The following HAP1 variants were observed in gnomAD, a reference collection of about 807,000 sequenced individuals.
HAP1 encodes huntingtin associated protein 1.
Under a neutral mutation model 60.3 loss-of-function variants are expected in HAP1, and 59 were observed. That is an observed-to-expected ratio of 0.98 (90% CI 0.79 to 1.22). The LOEUF (loss-of-function observed/expected upper bound fraction) is 1.22, where lower values mean the gene tolerates loss of function less well. Ranked by LOEUF, HAP1 falls within the 50% of genes most tolerant of loss-of-function variation. HAP1 has a pLI of 0.00. For synonymous variants in HAP1, 346 were observed against 330.6 expected, an observed-to-expected ratio of 1.05 and a Z score of -0.50; for missense variants, 825 against 785.3, an observed-to-expected ratio of 1.05 and a Z score of -0.60.
Position 41,725,116 on chromosome 17 carries a change from C to T in HAP1, c.1445G>A (p.Arg482Gln), listed in dbSNP as rs147490135. 4.0e-5 allele frequency: 64 copies of T among 1,606,244 alleles called. No homozygotes were observed. The East Asian group carries it at 4.2e-4, about 11-fold the overall frequency. Residue 482 changes from arginine (R) to glutamine (Q), a missense_variant, in exon 11 of 11, where the codon CGG (arginine) becomes CAG (glutamine). Physicochemically the swap from Arg to Gln is conservative, Grantham distance 43. Transcript: ENST00000347901. ...FRYSEDREQV[R>Q]GFEAEEGLML... ...CAACCCTTCCTCAGCCTCAAACCCC[C>T]GCACCTGCTCTCGATCCTCACTGTA...
chr17:41,728,450 T>C (rs1911864885), intron 6 of HAP1, 119 bp from the exon 7 acceptor site: 2 of 787,576 alleles, frequency 2.5e-6, no homozygotes, highest in Non-Finnish European at 4.0e-6. Flanking sequence ...CAGTGGGTCC[T>C]GCAGGGCTTT....
downstream of HAP1, chr17:41,717,955 C>T (rs567584263): frequency 9.2e-5 from 43 of 468,364 alleles, no homozygotes; most frequent in South Asian, 6.7e-4. Flanking sequence ...TTACCTTGAG[C>T]TACCCGCCAC....
At position 41,732,398 on chromosome 17, in the gene HAP1, G is replaced by A. The variant is rs782745485; in HGVS notation, c.550-4C>T. The A allele has an allele frequency of 6.2e-7, 1 of 1,613,768 alleles. No homozygotes were observed. The highest frequency in any genetic ancestry group is 2.2e-5 in the East Asian group (1 of 44,874). The stretch of plus-strand genomic sequence containing the variant: ...TCTCCCAGACAGGTGGGAGAAGCTG[G>A]GGGGGACACAGGGGTCAGAGAGAGG... On this transcript the variant is annotated splice_region_variant and splice_polypyrimidine_tract_variant and intron_variant, in intron 2 of 10. Transcript: ENST00000347901.
chr17:41,720,467 T>C (rs182523972), downstream of HAP1, among the ~76,000 whole-genome samples: 1 of 152,268 alleles, frequency 6.6e-6, no homozygotes, highest in African/African-American at 2.4e-5. Context: ...AGTGTTAGGA[T>C]TACAGGCATG....
At chr17:41,733,038 G>GTTTTTTTTTTTTTTTTGTT (rs10679002) in intron 1 of HAP1, among the ~76,000 whole-genome samples, 1 of 107,230 alleles carries the variant, frequency 9.3e-6, no homozygotes, top group Non-Finnish European at 1.8e-5. Flanking sequence ...GTTTTTTTTG[G>GTTTTTTTTTTTTTTTTGTT]TTTTTTTTTT....
chr17:41,734,397 C>A lies in HAP1; in HGVS notation c.238G>T (p.Ala80Ser). ...PASEAGAKAG[A>S]RRPSAFSAIQ... ...GCCGAGAATGCGGACGGGCGCCGGGCTCCTGCCTTGGCTCCAGCCTCCGAG... is the reference window on the plus strand; with the variant it reads ...GCCGAGAATGCGGACGGGCGCCGGGATCCTGCCTTGGCTCCAGCCTCCGAG... The change falls in exon 1 of 11, where the codon GCC becomes TCC. Residue 80 changes from alanine to serine, a missense_variant. Physicochemically the swap from Ala to Ser is moderately conservative, Grantham distance 99. Transcript: ENST00000347901. 1 of 1,607,042 alleles carries A rather than the reference C, an allele frequency of 6.2e-7. No homozygotes were observed. The highest frequency in any genetic ancestry group is 2.2e-5 in the East Asian group (1 of 44,650).
Position 41,734,338 on chromosome 17 carries a change from A to G in HAP1, c.297T>C (p.Asn99=). ...CGAAGCGGGTCCACGGCGCGTCCGA[A>G]TTGTCGGGCATAGACCGGACATCCC... ...IQGDVRSMPD[N]SDAPWTRFVF... The change falls in exon 1 of 11, where the codon AAT becomes AAC. Residue 99 remains asparagine (N), a synonymous_variant. Coordinates refer to ENST00000347901, the MANE Select transcript of HAP1 (RefSeq NM_177977.3). 3 of 1,608,990 alleles carry G rather than the reference A, an allele frequency of 1.9e-6. No homozygotes were observed. The highest frequency in any genetic ancestry group is 2.5e-6 in the Non-Finnish European group (3 of 1,177,102).
At position 41,724,677 on chromosome 17, in the gene HAP1, G is replaced by T; in HGVS notation, c.*24C>A. 1.9e-6 allele frequency: 3 copies of T among 1,553,688 alleles called. No individual in the cohort carries two copies. The highest frequency in any genetic ancestry group is 1.8e-6 in the Non-Finnish European group (2 of 1,139,966). ...GCCAGGCTGGGGCAGGTGAGCACTC[G>T]GGGAGCTTATCCACCCTCTCTTTTC... is the stretch of plus-strand genomic sequence containing the variant. On this transcript the variant is annotated 3_prime_UTR_variant, in exon 11 of 11. Transcript: ENST00000347901.
Position 41,723,610 on chromosome 17 carries a change from T to A in HAP1, c.*1091A>T, listed in dbSNP as rs1555587621. Reference sequence around the variant, plus strand: ...GCCTGGCCTGGGCGGTGGGCAGGGGTCTGATCAACTGTATCAGAAGGACAC... The same window carrying A: ...GCCTGGCCTGGGCGGTGGGCAGGGGACTGATCAACTGTATCAGAAGGACAC... On this transcript the variant is annotated 3_prime_UTR_variant, in exon 11 of 11. Coordinates refer to ENST00000347901, the MANE Select transcript of HAP1 (RefSeq NM_177977.3). 1 of 152,322 alleles carries A rather than the reference T, an allele frequency of 6.6e-6. No individual in the cohort carries two copies. The highest frequency in any genetic ancestry group is 1.5e-5 in the Non-Finnish European group (1 of 68,040). The allele number at this position is 152,322 out of a possible 1,614,324, so 9.4% of individuals were successfully genotyped here.
At chr17:41,720,036 C>T (rs1271994810), downstream of HAP1, among the ~76,000 whole-genome samples, 1 of 148,606 alleles carries the variant, frequency 6.7e-6, no homozygotes, top group African/African-American at 2.5e-5. Context: ...ATTACAGGCG[C>T]CCACCACCAC....
intron 5 of HAP1, 33 bp from the exon 6 acceptor site, chr17:41,731,592 G>T: frequency 6.2e-7 from 1 of 1,602,918 alleles, no homozygotes; most frequent in Non-Finnish European, 8.5e-7. Flanking sequence ...GGACAGGGAA[G>T]TCAACACCCC....
chr17:41,724,190 G>A lies in HAP1; in HGVS notation c.*511C>T, dbSNP rs1376814744. The A allele has an allele frequency of 5.1e-5, 8 of 155,658 alleles. No homozygotes were observed. Among genetic ancestry groups the A allele is most frequent in the Non-Finnish European group, 1.1e-4 (8 of 69,918 alleles). The allele number at this position is 155,658 out of a possible 1,614,324, so 9.6% of individuals were successfully genotyped here. A position where few individuals can be genotyped will look rare whatever the true frequency, so the allele number is the denominator to read the frequency against. On this transcript the variant is annotated 3_prime_UTR_variant, in exon 11 of 11. Transcript: ENST00000347901. Reference sequence around the variant, plus strand: ...CCTAGCCCACCTTCTGACACCCAGGGGACTGTTCCAACTGTGGCCCTTGCT... The same window carrying A: ...CCTAGCCCACCTTCTGACACCCAGGAGACTGTTCCAACTGTGGCCCTTGCT...
chr17:41,732,410 G>C lies in HAP1; in HGVS notation c.550-16C>G. The stretch of plus-strand genomic sequence containing the variant: ...GTGGGAGAAGCTGGGGGGGACACAG[G>C]GGTCAGAGAGAGGCTAGGCCCCTAA... On this transcript the variant is annotated splice_polypyrimidine_tract_variant and intron_variant, in intron 2 of 10. Coordinates refer to ENST00000347901, the MANE Select transcript of HAP1 (RefSeq NM_177977.3). The C allele has an allele frequency of 1.2e-6, 2 of 1,613,086 alleles. No individual in the cohort carries two copies. Among genetic ancestry groups the C allele is most frequent in the Non-Finnish European group, 8.5e-7 (1 of 1,179,528 alleles).
chr17:41,733,899 A>C (rs1400360625), intron 1 of HAP1, among the ~76,000 whole-genome samples: 3 of 151,994 alleles, frequency 2.0e-5, no homozygotes, highest in African/African-American at 7.2e-5. Flanking sequence ...GAAGGGGTGC[A>C]GATCTGCCGC....
At chr17:41,726,335 A>G (rs2143202546) in intron 9 of HAP1, among the ~76,000 whole-genome samples, 2 of 149,608 alleles carry the variant, frequency 1.3e-5, no homozygotes, top group Middle Eastern at 7.0e-3. Context: ...AATCGCTTGA[A>G]CCCAGGAGGC....
At chr17:41,733,714 G>T (rs1912452662) in intron 1 of HAP1, among the ~76,000 whole-genome samples, 1 of 152,066 alleles carries the variant, frequency 6.6e-6, no homozygotes, top group African/African-American at 2.4e-5. Flanking sequence ...GCGCGACTTT[G>T]CCCCCATACC....
downstream of HAP1, among the ~76,000 whole-genome samples, chr17:41,719,426 C>T (rs893158325): frequency 6.6e-6 from 1 of 152,196 alleles, no homozygotes; most frequent in African/African-American, 2.4e-5. Flanking sequence ...GCCGCAGTGG[C>T]TCACGTCTGT....
Position 41,724,925 on chromosome 17 carries a change from C to G in HAP1, c.1636G>C (p.Glu546Gln). 1 of 1,613,430 alleles carries G rather than the reference C, an allele frequency of 6.2e-7. No homozygotes were observed. The highest frequency in any genetic ancestry group is 8.5e-7 in the Non-Finnish European group (1 of 1,179,998). The change falls in exon 11 of 11, where the codon GAG becomes CAG. Residue 546 changes from glutamate to glutamine, a missense_variant. Physicochemically the swap from Glu to Gln is conservative, Grantham distance 29. Transcript: ENST00000347901. Reference sequence around the variant, plus strand: ...TTCATCCGCGTTGCCTCATCCAGCTCCAGTTCCACCTCCTCCCAGCCCTCG... The same window carrying G: ...TTCATCCGCGTTGCCTCATCCAGCTGCAGTTCCACCTCCTCCCAGCCCTCG... ...ETEGWEEVEL[E>Q]LDEATRMNVV... is the part of the protein sequence containing the mutation.
At position 41,734,601 on chromosome 17, in the gene HAP1, C is replaced by T. The variant is rs1555592383; in HGVS notation, c.34G>A (p.Gly12Arg). Residue 12 changes from glycine to arginine, a missense_variant, in exon 1 of 11, where the codon GGG becomes AGG. Gly to Arg is a moderately radical substitution (Grantham distance 125). Coordinates refer to ENST00000347901, the MANE Select transcript of HAP1 (RefSeq NM_177977.3). The stretch of plus-strand genomic sequence containing the variant: ...GGGTCCCCGGGTCCGAGCCGGCTCC[C>T]CGCGCAGCACCGGCCCAACCTCTTC... ...RPKRLGRCCA[G>R]SRLGPGDPAA... 2 of 1,566,980 alleles carry T rather than the reference C, an allele frequency of 1.3e-6. No individual in the cohort carries two copies. The highest frequency in any genetic ancestry group is 1.3e-5 in the African/African-American group (1 of 74,174).
Sources: allele counts gnomAD v4.1 joint callset (sites outside exome capture counted in the v4.1 genomes callset), GRCh38; gene constraint gnomAD v4.1.1; transcripts MANE v1.5; gene names NCBI Gene and HGNC (gene_info 2026-07-23, HGNC 2026-07-21).